Variants in SNTG1 observed in about 807,000 individuals in gnomAD.
SNTG1 encodes gamma-1-syntrophin.
Under a neutral mutation model 74.7 loss-of-function variants are expected in SNTG1, and 39 were observed. The ratio of observed to expected loss-of-function variants is 0.52; its 90% CI spans 0.40 to 0.68. SNTG1 has a LOEUF of 0.68. SNTG1 is among the 30% of genes least tolerant of loss of function. SNTG1 has a pLI of 0.00. For synonymous variants in SNTG1, 254 were observed against 217.1 expected (o/e 1.17, Z -1.49); for missense variants, 685 against 609.5 (o/e 1.12, Z -1.30).
intron 13 of SNTG1, among the ~76,000 whole-genome samples, chr8:50,603,909 G>A (rs2094793367): frequency 6.6e-6 from 1 of 152,156 alleles, no homozygotes; most frequent in South Asian, 2.1e-4. Flanking sequence ...GACTGCACTG[G>A]GTCAAACCCG....
At chr8:50,170,392 C>T (rs2082764314) in intron 1 of SNTG1, among the ~76,000 whole-genome samples, 1 of 151,880 alleles carries the variant, frequency 6.6e-6, no homozygotes, top group East Asian at 1.9e-4. Context: ...TATGAAAAAA[C>T]TTAAAAGATA....
chr8:50,374,051 A>G (rs1251456762), intron 2 of SNTG1, among the ~76,000 whole-genome samples: 1 of 152,214 alleles, frequency 6.6e-6, no homozygotes, highest in Non-Finnish European at 1.5e-5. Context: ...GAAGCTATGT[A>G]TTAGTGTTGA....
intron 2 of SNTG1, among the ~76,000 whole-genome samples, chr8:50,234,203 G>C (rs2085776485): frequency 4.0e-5 from 6 of 151,878 alleles, no homozygotes; most frequent in Admixed American, 3.3e-4. Flanking sequence ...TCCATATCAT[G>C]ATATACTTTC....
At chr8:50,070,934 C>T (rs1000184416) in intron 1 of SNTG1, among the ~76,000 whole-genome samples, 4 of 152,136 alleles carry the variant, frequency 2.6e-5, no homozygotes, top group Non-Finnish European at 4.4e-5. Flanking sequence ...CATGGAGGGT[C>T]GGACTTGCCA....
chr8:50,495,336 A>C (rs932710795), intron 8 of SNTG1, among the ~76,000 whole-genome samples: 1 of 152,202 alleles, frequency 6.6e-6, no homozygotes, highest in Non-Finnish European at 1.5e-5. Flanking sequence ...TCCTTGAACT[A>C]TTATGTTGAC....
chr8:50,551,399 T>A lies in SNTG1; in HGVS notation c.681-1651T>A, dbSNP rs557499658. Among the ~76,000 whole-genome samples, 47 of 152,288 alleles carry A rather than the reference T, an allele frequency of 3.1e-4. 2 individuals are homozygous for A. The highest frequency in any genetic ancestry group is 2.7e-3 in the Admixed American group (42 of 15,298). On this transcript the variant is annotated intron_variant, in intron 11 of 18. Transcript: ENST00000642720. ...ATCTATAATTACATAGATTGAAGAT[T>A]TGATCTAAGTGTATTGACTTTTATT...
At chr8:50,200,967 G>C (rs1308690748) in intron 2 of SNTG1, among the ~76,000 whole-genome samples, 3 of 152,232 alleles carry the variant, frequency 2.0e-5, no homozygotes, top group South Asian at 2.1e-4. Context: ...AATCAGAGAA[G>C]GGGCTTATGT....
In SNTG1 at chr8:50,126,915, C is replaced by G. The variant is rs372842758; in HGVS notation, c.-102-45646C>G. Among the ~76,000 whole-genome samples, 4 of 152,162 alleles carry G rather than the reference C, an allele frequency of 2.6e-5. No individual in the cohort carries two copies. In the East Asian group the frequency reaches 7.7e-4, roughly 29 times the overall value. On this transcript the variant is annotated intron_variant, in intron 1 of 18. Transcript: ENST00000642720. ...GTTCCACAAAGTGGAGAGGTACGAG[C>G]TTTTTCCTCAGGAGCATACAATCTT...
intron 1 of SNTG1, among the ~76,000 whole-genome samples, chr8:50,082,340 C>T (rs796365382): frequency 3.3e-5 from 5 of 152,220 alleles, no homozygotes; most frequent in African/African-American, 1.2e-4. Context: ...CTTTTATGCA[C>T]AATAATGAGC....
At chr8:50,448,801 G>A (rs1295092639) in intron 5 of SNTG1, among the ~76,000 whole-genome samples, 4 of 152,064 alleles carry the variant, frequency 2.6e-5, no homozygotes, top group African/African-American at 4.8e-5. Flanking sequence ...TTGGGATGCC[G>A]AGGCAGTTGG....
At chr8:50,780,878 T>C (rs2095657263) in intron 18 of SNTG1, among the ~76,000 whole-genome samples, 1 of 152,240 alleles carries the variant, frequency 6.6e-6, no homozygotes, top group African/African-American at 2.4e-5. Context: ...GCTTTGAATG[T>C]GGCCCAGAGA....
chr8:50,366,907 A>G (rs936502288), intron 2 of SNTG1, among the ~76,000 whole-genome samples: 2 of 147,728 alleles, frequency 1.4e-5, no homozygotes, highest in South Asian at 2.1e-4. Context: ...ATACTATATA[A>G]TATAGTATAG....
chr8:49,995,949 T>C (rs561417804), intron 1 of SNTG1, among the ~76,000 whole-genome samples: 4 of 152,352 alleles, frequency 2.6e-5, no homozygotes, highest in African/African-American at 9.6e-5. Context: ...TATGTTTTAA[T>C]GAATCTATAA....
chr8:50,440,173 A>G (rs1247272761), intron 5 of SNTG1, among the ~76,000 whole-genome samples: 1 of 151,876 alleles, frequency 6.6e-6, no homozygotes, highest in East Asian at 1.9e-4. Context: ...GTGGTATTTG[A>G]GCTATGATCA....
chr8:50,114,010 C>A (rs16914292), intron 1 of SNTG1, among the ~76,000 whole-genome samples: 2 of 151,824 alleles, frequency 1.3e-5, no homozygotes, highest in African/African-American at 4.8e-5. Context: ...AATCACAAAA[C>A]GACGTTTGAC....
intron 15 of SNTG1, among the ~76,000 whole-genome samples, chr8:50,664,047 T>C (rs1446362745): frequency 2.0e-5 from 3 of 152,172 alleles, no homozygotes; most frequent in East Asian, 3.9e-4. Flanking sequence ...CCTACTGACA[T>C]ACCTAGTAGA....
chr8:50,596,203 T>A (rs751210014), intron 13 of SNTG1, among the ~76,000 whole-genome samples: 1 of 152,032 alleles, frequency 6.6e-6, no homozygotes, highest in Non-Finnish European at 1.5e-5. Flanking sequence ...TATAGAATAA[T>A]GATGTTGAGC....
chr8:50,190,189 A>AG (rs1310476978), intron 2 of SNTG1, among the ~76,000 whole-genome samples: 1 of 152,146 alleles, frequency 6.6e-6, no homozygotes, highest in Non-Finnish European at 1.5e-5. Flanking sequence ...ACTGTAACTG[A>AG]GTCTTCTCAG....
intron 4 of SNTG1, among the ~76,000 whole-genome samples, 195 bp from the exon 5 acceptor site, chr8:50,438,348 A>G (rs187424283): frequency 1.3e-5 from 2 of 152,340 alleles, no homozygotes; most frequent in East Asian, 1.9e-4. Flanking sequence ...TGTTATTTTA[A>G]CAAGTAACCC....
Sources: allele counts gnomAD v4.1 joint callset (sites outside exome capture counted in the v4.1 genomes callset), GRCh38; gene constraint gnomAD v4.1.1; transcripts MANE v1.5; gene names NCBI Gene and HGNC (gene_info 2026-07-23, HGNC 2026-07-21).